GJB7: variants seen among roughly 807,000 people sequenced by gnomAD.
The protein encoded by GJB7 is gap junction beta-7 protein.
For synonymous variants in GJB7, 87 were observed against 95.2 expected, an observed-to-expected ratio of 0.91 and a Z score of 0.50; for missense variants, 253 against 256.8, an observed-to-expected ratio of 0.99 and a Z score of 0.10.
chr6:87,327,026 CTTCT>C (rs1403109708), intron 1 of GJB7, among the ~76,000 whole-genome samples: 3 of 138,980 alleles, frequency 2.2e-5, no homozygotes, highest in Non-Finnish European at 1.5e-5. Flanking sequence ...ATGTAATGGC[CTTCT>C]TTGTGTCTTT....
rs1776003494 is a variant in GJB7, at chr6:87,283,227, A to G, written c.*1014T>C. On this transcript the variant is annotated 3_prime_UTR_variant, in exon 3 of 3. Transcript: ENST00000525899. Reference sequence around the variant, plus strand: ...GGCGAACTATGACTTACAGTATAGTACATAGTGAATTCCTGATTATGAAAG... The same window carrying G: ...GGCGAACTATGACTTACAGTATAGTGCATAGTGAATTCCTGATTATGAAAG... The G allele has an allele frequency of 6.6e-6, 1 of 152,262 alleles. No homozygotes were observed. 9.4% of individuals were successfully genotyped at this position (152,262 alleles called of 1,614,324 possible).
At chr6:87,287,684 G>T (rs1265889901) in intron 2 of GJB7, among the ~76,000 whole-genome samples, 1 of 152,070 alleles carries the variant, frequency 6.6e-6, no homozygotes, top group Admixed American at 6.5e-5. Context: ...ATGTATCATT[G>T]GGCGTTTGTC....
At position 87,284,739 on chromosome 6, in the gene GJB7, G is replaced by A. The variant is rs200117390; in HGVS notation, c.174C>T (p.Pro58=). 4.8e-5 allele frequency: 78 copies of A among 1,613,940 alleles called. No individual in the cohort carries two copies. The highest frequency in any genetic ancestry group is 6.7e-5 in the African/African-American group (5 of 74,870). Residue 58 remains proline (P), a synonymous_variant, in exon 3 of 3, where the codon CCC becomes CCT. Transcript: ENST00000525899. Reference sequence around the variant, plus strand: ...CATCAAAACACACATTTTTGCAACCGGGCTGTCTACTGTTGCACTCAAACT... The same window carrying A: ...CATCAAAACACACATTTTTGCAACCAGGCTGTCTACTGTTGCACTCAAACT... The part of the protein sequence containing the change: ...QKEFECNSRQ[P]GCKNVCFDDF...
At chr6:87,321,487 T>A (rs1252321680) in intron 2 of GJB7, among the ~76,000 whole-genome samples, 1 of 152,154 alleles carries the variant, frequency 6.6e-6, no homozygotes, top group Non-Finnish European at 1.5e-5. Flanking sequence ...GTCAGTTGTG[T>A]CTAACCTCCA....
chr6:87,323,408 A>G (rs1000227413), intron 1 of GJB7, among the ~76,000 whole-genome samples: 1 of 145,880 alleles, frequency 6.9e-6, no homozygotes, highest in South Asian at 2.4e-4. Context: ...ATATCTCCCA[A>G]TGCTATCCCT....
chr6:87,316,393 C>T (rs1423636333), intron 2 of GJB7, among the ~76,000 whole-genome samples: 1 of 152,126 alleles, frequency 6.6e-6, no homozygotes, highest in African/African-American at 2.4e-5. Flanking sequence ...AAGTCAGCTC[C>T]CAGAGAATAC....
chr6:87,314,787 G>A (rs886382525), intron 2 of GJB7, among the ~76,000 whole-genome samples: 3 of 152,082 alleles, frequency 2.0e-5, no homozygotes. Flanking sequence ...TAATATATCT[G>A]GGAATCCAGC....
chr6:87,290,850 T>C (rs533482779), intron 2 of GJB7, among the ~76,000 whole-genome samples: 73 of 152,328 alleles, frequency 4.8e-4, no homozygotes, highest in African/African-American at 1.7e-3. Flanking sequence ...AAACCTAAAA[T>C]ATTTACTATC....
chr6:87,328,901 C>A (rs1001976090), intron 1 of GJB7, among the ~76,000 whole-genome samples: 1 of 152,160 alleles, frequency 6.6e-6, no homozygotes, highest in African/African-American at 2.4e-5. Context: ...AGCAATCAGC[C>A]AGACTCCGTG....
At chr6:87,314,991 G>A (rs1776560601) in intron 2 of GJB7, among the ~76,000 whole-genome samples, 1 of 152,076 alleles carries the variant, frequency 6.6e-6, no homozygotes, top group Admixed American at 6.5e-5. Context: ...ACTCAGAGAC[G>A]ATAGCTCTCT....
rs527862252 is a variant in GJB7, at chr6:87,298,177, A to C, written c.-27-13238T>G. On this transcript the variant is annotated intron_variant, in intron 2 of 2. Transcript: ENST00000525899. ...CTAGAATGGCTAATATAACTAAAAA[A>C]CAAAACAAAGTTAAATTGTCTGAAG... 3.7e-4 allele frequency among the ~76,000 whole-genome samples: 56 copies of C among 152,358 alleles called. 1 individual carries two copies. The highest frequency in any genetic ancestry group is 1.3e-3 in the African/African-American group (56 of 41,586).
At chr6:87,293,909 G>A (rs1051995874) in intron 2 of GJB7, among the ~76,000 whole-genome samples, 8 of 152,180 alleles carry the variant, frequency 5.3e-5, no homozygotes, top group Admixed American at 3.9e-4. Context: ...CAGGGGCTGG[G>A]GTTGATCAGA....
intron 1 of GJB7, among the ~76,000 whole-genome samples, chr6:87,327,198 T>G (rs933067754): frequency 6.7e-6 from 1 of 149,188 alleles, no homozygotes; most frequent in Non-Finnish European, 1.5e-5. Flanking sequence ...TACAGCACAC[T>G]GATGGGTCTT....
chr6:87,328,390 C>G (rs1776893084), intron 1 of GJB7, among the ~76,000 whole-genome samples: 1 of 152,026 alleles, frequency 6.6e-6, no homozygotes, highest in Non-Finnish European at 1.5e-5. Flanking sequence ...GTTTTATCTA[C>G]TTTTTGTCTT....
At chr6:87,306,738 C>A (rs1402562264) in intron 2 of GJB7, among the ~76,000 whole-genome samples, 1 of 152,166 alleles carries the variant, frequency 6.6e-6, no homozygotes, top group African/African-American at 2.4e-5. Context: ...ATGTTTATTG[C>A]AGCACTATTT....
At chr6:87,305,059 A>C (rs569979068) in intron 2 of GJB7, among the ~76,000 whole-genome samples, 1 of 152,240 alleles carries the variant, frequency 6.6e-6, no homozygotes, top group Admixed American at 6.5e-5. Context: ...ACAAACCCAC[A>C]GCCAATATCT....
chr6:87,297,552 T>TA (rs764799185), intron 2 of GJB7, among the ~76,000 whole-genome samples: 48 of 152,192 alleles, frequency 3.2e-4, no homozygotes, highest in Non-Finnish European at 5.1e-4. Context: ...AAATTGTTAA[T>TA]AATAAAAAGC....
intron 2 of GJB7, among the ~76,000 whole-genome samples, chr6:87,318,686 T>A (rs1324349137): frequency 1.3e-5 from 2 of 152,108 alleles, no homozygotes; most frequent in Non-Finnish European, 2.9e-5. Flanking sequence ...TGGGAGAGCA[T>A]GGATAAAGGT....
intron 1 of GJB7, among the ~76,000 whole-genome samples, chr6:87,328,832 C>G (rs986620347): frequency 1.3e-5 from 2 of 152,196 alleles, no homozygotes; most frequent in African/African-American, 4.8e-5. Flanking sequence ...TGGGCAATGG[C>G]GGGCGCCCCT....
Sources: gnomAD v4.1 joint callset for allele counts (sites outside exome capture counted in the v4.1 genomes callset) on GRCh38, gnomAD v4.1.1 for gene constraint, MANE v1.5 for transcripts, NCBI Gene and HGNC (gene_info 2026-07-23, HGNC 2026-07-21) for gene names.